Variants in MCF2 observed in about 807,000 individuals in gnomAD.
The protein encoded by MCF2 is MCF.2 cell line derived transforming sequence.
MCF2 carries 44 observed loss-of-function variants against 82.5 expected under a neutral mutation model. The observed-to-expected ratio is 0.53, with a 90% CI of 0.42 to 0.69. MCF2 has a LOEUF of 0.69. MCF2 is among the 30% of genes least tolerant of loss of function. The pLI is 0.00. For synonymous variants in MCF2, 217 were observed against 224.9 expected (o/e 0.96, Z 0.32); for missense variants, 623 against 663.1 (o/e 0.94, Z 0.66).
intron 1 of MCF2, among the ~76,000 whole-genome samples, chrX:139,679,181 G>T (rs1039545562): frequency 4.5e-5 from 5 of 112,153 alleles, no homozygotes; most frequent in Non-Finnish European, 9.4e-5. Context: ...ATTTTACCAC[G>T]TGCTTACAGA....
chrX:139,651,034 G>C (rs1396386809), intron 2 of MCF2, among the ~76,000 whole-genome samples: 1 of 110,913 alleles, frequency 9.0e-6, no homozygotes, highest in African/African-American at 3.3e-5. Context: ...GAGAGAGGAA[G>C]GAATGAAACG....
intron 10 of MCF2, among the ~76,000 whole-genome samples, chrX:139,612,330 T>C (rs1603285277): frequency 9.0e-6 from 1 of 110,569 alleles, no homozygotes; most frequent in Non-Finnish European, 1.9e-5. Flanking sequence ...AGGCAAATTA[T>C]AAACAGAGAT....
intron 1 of MCF2, among the ~76,000 whole-genome samples, chrX:139,673,896 G>T (rs1183284981): frequency 9.0e-6 from 1 of 111,501 alleles, no homozygotes; most frequent in Non-Finnish European, 1.9e-5. Flanking sequence ...TCGTTGATCT[G>T]TCTAATATTG....
intron 7 of MCF2, among the ~76,000 whole-genome samples, chrX:139,618,244 G>C (rs1448552788): frequency 9.2e-6 from 1 of 108,780 alleles, no homozygotes; most frequent in East Asian, 2.9e-4. Flanking sequence ...ACATAGTAGG[G>C]GTTCAAGAAA....
At chrX:139,657,229 T>C (rs1350340836) in intron 1 of MCF2, among the ~76,000 whole-genome samples, 2 of 112,336 alleles carry the variant, frequency 1.8e-5, no homozygotes, top group Non-Finnish European at 3.8e-5. Context: ...CTACATATGA[T>C]CAAAAAGCAA....
At chrX:139,675,709 G>C (rs761222221) in intron 1 of MCF2, among the ~76,000 whole-genome samples, 16 of 110,786 alleles carry the variant, frequency 1.4e-4, no homozygotes, top group African/African-American at 4.4e-4. Context: ...TCCCAGAGGG[G>C]CACCTGCCTG....
intron 1 of MCF2, among the ~76,000 whole-genome samples, chrX:139,684,099 C>T (rs1483091928): frequency 3.6e-5 from 4 of 112,256 alleles, no homozygotes; most frequent in African/African-American, 6.5e-5. Context: ...GATCTCCATT[C>T]CAGAGTATAT....
At chrX:139,596,715 A>T in exon 19 of MCF2, 1 of 1,210,008 alleles carries the variant, frequency 8.3e-7, no homozygotes, top group Non-Finnish European at 1.1e-6. Context: ...CTTGTGCCCT[A>T]TCCAAACGCT....
At position 139,598,504 on chromosome X, in the gene MCF2, A is replaced by G; in HGVS notation, c.1837-6T>C. The G allele has an allele frequency of 9.7e-7, 1 of 1,028,653 alleles. No homozygotes were observed. Among genetic ancestry groups the G allele is most frequent in the Non-Finnish European group, 1.3e-6 (1 of 760,622 alleles). 84.8% of individuals were successfully genotyped at this position (1,028,653 alleles called of 1,213,427 possible). A position where few individuals can be genotyped will look rare whatever the true frequency, so the allele number is the denominator to read the frequency against. On this transcript the variant is annotated splice_polypyrimidine_tract_variant and splice_region_variant and intron_variant, in intron 16 of 24. Coordinates refer to ENST00000370576, the Ensembl canonical transcript of MCF2. Reference sequence around the variant, plus strand: ...TTTAACTTTCTTTGACATTCCTGTCATTAAAAGATAAATATCAATAAAATT... The same window carrying G: ...TTTAACTTTCTTTGACATTCCTGTCGTTAAAAGATAAATATCAATAAAATT...
chrX:139,610,405 A>G, intron 10 of MCF2, 67 bp from the exon 15 acceptor site: 1 of 599,500 alleles, frequency 1.7e-6, no homozygotes, highest in Non-Finnish European at 2.6e-6. Context: ...ATAGAAATAC[A>G]TATATATTTA....
Position 139,615,057 on chromosome X carries a change from G to A in MCF2, c.1192-5C>T, listed in dbSNP as rs73634054. ...TTGTATAGTCTTCATTTGAACCTGCGAGTTGTATAAGAATTATAGGAAATA... is the reference window on the plus strand; with the variant it reads ...TTGTATAGTCTTCATTTGAACCTGCAAGTTGTATAAGAATTATAGGAAATA... On this transcript the variant is annotated splice_region_variant and splice_polypyrimidine_tract_variant and intron_variant, in intron 9 of 24. Coordinates refer to ENST00000370576, the Ensembl canonical transcript of MCF2. The A allele has an allele frequency of 2.2e-3, 2,623 of 1,183,334 alleles. 38 individuals are homozygous for A. The African/African-American group carries it at 0.035, about 16-fold the overall frequency.
At chrX:139,642,927 A>AT, upstream of MCF2, 1 of 573,462 alleles carries the variant, frequency 1.7e-6, no homozygotes, top group Non-Finnish European at 2.2e-6. Flanking sequence ...GCGCAGTTTG[A>AT]TTTTTAAGGT....
chrX:139,586,949 A>G (rs1312764834), intron 22 of MCF2, among the ~76,000 whole-genome samples: 1 of 112,012 alleles, frequency 8.9e-6, no homozygotes, highest in Non-Finnish European at 1.9e-5. Context: ...TGAAAGATAA[A>G]GACTTTATCT....
chrX:139,701,422 G>A (rs1935495301), intron 1 of MCF2, among the ~76,000 whole-genome samples: 1 of 112,104 alleles, frequency 8.9e-6, no homozygotes, highest in African/African-American at 3.2e-5. Context: ...TTTAAACAAA[G>A]GAGATTATCC....
chrX:139,689,292 A>G (rs1003163999), intron 1 of MCF2, among the ~76,000 whole-genome samples: 1 of 111,878 alleles, frequency 8.9e-6, no homozygotes, highest in Admixed American at 9.5e-5. Flanking sequence ...TGTGAAAGCA[A>G]AAAGTTCCAT....
At position 139,669,996 on chromosome X, in the gene MCF2, C is replaced by T. The variant is rs373592640; in HGVS notation, c.-44-18208G>A. 9.0e-5 allele frequency among the ~76,000 whole-genome samples: 10 copies of T among 111,273 alleles called. No individual in the cohort carries two copies. The East Asian group carries it at 1.4e-3, about 16-fold the overall frequency. On this transcript the variant is annotated intron_variant, in intron 1 of 27. Coordinates refer to the MCF2 transcript ENST00000414978. The stretch of plus-strand genomic sequence containing the variant: ...GCAGTGATGGTTATGTACACCTCTG[C>T]GAATATGCTAAAAACATTTAATTTA...
chrX:139,621,247 G>A (rs949012758), intron 6 of MCF2, among the ~76,000 whole-genome samples: 3 of 111,375 alleles, frequency 2.7e-5, no homozygotes, highest in African/African-American at 9.8e-5. Context: ...CAAGAATCTT[G>A]GGAGAAAAGC....
At chrX:139,656,913 C>G (rs1934216611) in intron 1 of MCF2, among the ~76,000 whole-genome samples, 1 of 111,948 alleles carries the variant, frequency 8.9e-6, no homozygotes, top group Non-Finnish European at 1.9e-5. Flanking sequence ...TCCTTGTTGA[C>G]TAGATTTACG....
rs138797580 is a variant in MCF2, at chrX:139,628,491, C to A, written c.438+1204G>T. On this transcript the variant is annotated intron_variant, in intron 4 of 24. Transcript: ENST00000370576. ...CTAGAGGAAGGAGGGTGGGAGGAGG[C>A]AGAGTGTTGAAAAACTACCTATCTG... Among the ~76,000 whole-genome samples, 928 of 111,127 alleles carry A rather than the reference C, an allele frequency of 8.4e-3. 10 individuals carry two copies. The highest frequency in any genetic ancestry group is 0.014 in the Middle Eastern group (3 of 216).
Sources: allele counts gnomAD v4.1 joint callset (sites outside exome capture counted in the v4.1 genomes callset), GRCh38; gene constraint gnomAD v4.1.1; transcripts MANE v1.5; gene names NCBI Gene and HGNC (gene_info 2026-07-23, HGNC 2026-07-21).